The following NSUN4 variants were observed in gnomAD, a reference collection of about 807,000 sequenced individuals.
The protein encoded by NSUN4 is NOP2/Sun RNA methyltransferase 4, also known as 5-cytosine rRNA methyltransferase NSUN4.
In NSUN4, 31 loss-of-function variants were observed where a neutral mutation model predicts 43.8. The observed-to-expected ratio is 0.71, with a 90% confidence interval of 0.53 to 0.96. NSUN4 has a LOEUF of 0.96. NSUN4 is among the 40% of genes least tolerant of loss of function. The pLI is 0.00. For synonymous variants in NSUN4, 167 were observed against 184.1 expected (o/e 0.91, Z 0.75); for missense variants, 439 against 475.6 (o/e 0.92, Z 0.72).
At chr1:46,348,220 AT>A (rs1423033313) in intron 3 of NSUN4, among the ~76,000 whole-genome samples, 2 of 152,100 alleles carry the variant, frequency 1.3e-5, no homozygotes, top group Non-Finnish European at 2.9e-5. Context: ...ACTGGCTGAT[AT>A]CCTGCCTGCC....
intron 4 of NSUN4, 72 bp from the exon 5 acceptor site, chr1:46,360,632 A>G: frequency 2.6e-6 from 4 of 1,535,378 alleles, no homozygotes; most frequent in Middle Eastern, 1.9e-4. Flanking sequence ...CCAGGGGCCT[A>G]AAACATCTCT....
At position 46,363,302 on chromosome 1, in the gene NSUN4, C is replaced by A. The variant is rs747290027; in HGVS notation, c.*1456C>A. 1 of 152,200 alleles carries A rather than the reference C, an allele frequency of 6.6e-6. No individual in the cohort carries two copies. The highest frequency in any genetic ancestry group is 1.5e-5 in the Non-Finnish European group (1 of 68,074). The allele number at this position is 152,200 out of a possible 1,614,324, so 9.4% of individuals were successfully genotyped here. ...GCTAGTGCTCTGAGTAGGACCGTAACCGCCTCCGTGCGTGGCATATGGTCC... is the reference window on the plus strand; with the variant it reads ...GCTAGTGCTCTGAGTAGGACCGTAAACGCCTCCGTGCGTGGCATATGGTCC... On this transcript the variant is annotated 3_prime_UTR_variant, in exon 6 of 6. Coordinates refer to ENST00000474844, the MANE Select transcript of NSUN4 (RefSeq NM_199044.4).
the NSUN4 span, among the ~76,000 whole-genome samples, chr1:46,374,725 G>A: frequency 8.1e-4 from 123 of 152,138 alleles, 1 homozygote; most frequent in South Asian, 9.5e-3. Flanking sequence ...TTTAAGAGCC[G>A]ATGGGCTTGG....
chr1:46,376,272 A>C, the NSUN4 span, among the ~76,000 whole-genome samples: 1 of 150,218 alleles, frequency 6.7e-6, no homozygotes, highest in African/African-American at 2.4e-5. Flanking sequence ...AGACGGGTGT[A>C]GTGGTGGGGC....
intron 1 of NSUN4, chr1:46,342,068 C>T (rs370035010): frequency 2.7e-6 from 2 of 736,300 alleles, no homozygotes; most frequent in South Asian, 6.9e-5. Flanking sequence ...CGGGAACTTG[C>T]CTCACGATTT....
chr1:46,349,150 T>TG (rs56075458), intron 3 of NSUN4, among the ~76,000 whole-genome samples: 1 of 146,904 alleles, frequency 6.8e-6, no homozygotes, highest in African/African-American at 2.5e-5. Flanking sequence ...TTTTGTTTTT[T>TG]TTTTTTTGAG....
At chr1:46,348,176 G>A (rs72677586) in intron 3 of NSUN4, among the ~76,000 whole-genome samples, 18,008 of 152,010 alleles carry the variant, frequency 0.12, 1,285 homozygotes, top group Admixed American at 0.21. Flanking sequence ...CACCGCGCCC[G>A]GCCCCTTGTG....
downstream of NSUN4, among the ~76,000 whole-genome samples, chr1:46,366,704 C>CAAAACAAAAAAAA: frequency 1.7e-5 from 1 of 59,432 alleles, no homozygotes; most frequent in Non-Finnish European, 2.8e-5. Flanking sequence ...ACTAAAAATA[C>CAAAACAAAAAAAA]AAAAAAAAAA....
chr1:46,361,614 C>G lies in NSUN4; in HGVS notation c.923C>G (p.Ser308Cys). ...AAACCAGGAGGCCATGTTGTCTATT[C>G]TACCTGCTCACTCTCACACTTACAG... ...ATKPGGHVVY[S>C]TCSLSHLQNE... Residue 308 changes from serine (S) to cysteine (C), a missense_variant, in exon 6 of 6, where the codon TCT becomes TGT. Coordinates refer to ENST00000474844, the MANE Select transcript of NSUN4 (RefSeq NM_199044.4). 1 of 1,614,242 alleles carries G rather than the reference C, an allele frequency of 6.2e-7. No individual in the cohort carries two copies. The highest frequency in any genetic ancestry group is 8.5e-7 in the Non-Finnish European group (1 of 1,180,044).
chr1:46,374,058 G>A, the NSUN4 span, among the ~76,000 whole-genome samples: 1 of 151,854 alleles, frequency 6.6e-6, no homozygotes, highest in Non-Finnish European at 1.5e-5. Flanking sequence ...AGGCCGAGGC[G>A]GGTGGATTAC....
chr1:46,356,063 G>C (rs1014312681), intron 4 of NSUN4, among the ~76,000 whole-genome samples: 1 of 151,848 alleles, frequency 6.6e-6, no homozygotes, highest in Non-Finnish European at 1.5e-5. Context: ...TGGTAGGCAA[G>C]TGTTAAGCAC....
rs1557746477 is a variant in NSUN4, at chr1:46,363,189, TG to T, written c.*1346del. On this transcript the variant is annotated 3_prime_UTR_variant, in exon 6 of 6. Coordinates refer to ENST00000474844, the MANE Select transcript of NSUN4 (RefSeq NM_199044.4). ...CTTTAGCTGAGGTTAAGCCTTCTTT[TG>T]GGATTTGCATTGTAATTGAGGGCCC... 1 of 152,300 alleles carries T rather than the reference TG, an allele frequency of 6.6e-6. No individual in the cohort carries two copies. The highest frequency in any genetic ancestry group is 1.9e-4 in the East Asian group (1 of 5,188). 9.4% of individuals were successfully genotyped at this position (152,300 alleles called of 1,614,324 possible).
At chr1:46,367,146 G>A (rs1011345453), downstream of NSUN4, among the ~76,000 whole-genome samples, 1 of 152,098 alleles carries the variant, frequency 6.6e-6, no homozygotes. Flanking sequence ...AAGGCAAGGG[G>A]GTCAAGCAGA....
downstream of NSUN4, among the ~76,000 whole-genome samples, chr1:46,365,708 C>T (rs569310198): frequency 2.0e-5 from 3 of 152,254 alleles, no homozygotes; most frequent in South Asian, 6.2e-4. Flanking sequence ...GTATGTTTAA[C>T]TTTATAAGGT....
the NSUN4 span, among the ~76,000 whole-genome samples, chr1:46,375,340 C>T: frequency 7.3e-5 from 11 of 151,000 alleles, no homozygotes; most frequent in Non-Finnish European, 1.3e-4. Context: ...GAAGCTGAGG[C>T]AGGAGAATTG....
At chr1:46,349,625 G>T (rs1299085923) in intron 3 of NSUN4, among the ~76,000 whole-genome samples, 1 of 152,178 alleles carries the variant, frequency 6.6e-6, no homozygotes, top group Non-Finnish European at 1.5e-5. Flanking sequence ...TCTTTTCCAG[G>T]TCTTGTCAGC....
In NSUN4 at chr1:46,345,887, C is replaced by T. The variant is rs141005487; in HGVS notation, c.437+743C>T. Among the ~76,000 whole-genome samples the T allele has an allele frequency of 2.9e-3, 441 of 152,270 alleles. 2 individuals carry two copies. The highest frequency in any genetic ancestry group is 0.01 in the African/African-American group (423 of 41,562). ...AATATTGGCCGGGTGTGGTGGCTCA[C>T]GCCTTTAATCCTAGCACTTTGTGAG... is the stretch of plus-strand genomic sequence containing the variant. On this transcript the variant is annotated intron_variant, in intron 2 of 5. Coordinates refer to ENST00000474844, the MANE Select transcript of NSUN4 (RefSeq NM_199044.4).
At chr1:46,341,215 C>T (rs559362896) in intron 1 of NSUN4, 15 of 1,141,332 alleles carry the variant, frequency 1.3e-5, no homozygotes, top group Non-Finnish European at 1.4e-5. Context: ...GCTGTGTCCA[C>T]CTACCTTTCT....
intron 4 of NSUN4, among the ~76,000 whole-genome samples, chr1:46,356,753 C>T (rs1663407697): frequency 6.6e-6 from 1 of 152,020 alleles, no homozygotes; most frequent in Admixed American, 6.6e-5. Context: ...CTCTTGGTAA[C>T]TCCATCCTTC....
Sources: allele counts gnomAD v4.1 joint callset (sites outside exome capture counted in the v4.1 genomes callset), GRCh38; gene constraint gnomAD v4.1.1; transcripts MANE v1.5; gene names NCBI Gene and HGNC (gene_info 2026-07-23, HGNC 2026-07-21).